Variants in CNTN3 observed in about 807,000 individuals in gnomAD.
CNTN3 encodes the protein contactin-3.
A neutral mutation model predicts 119.1 loss-of-function variants in CNTN3; 60 were observed. That is an observed-to-expected ratio of 0.50 (90% CI 0.41 to 0.62). CNTN3 has a LOEUF of 0.62. Among genes scored for constraint, CNTN3 ranks in the 20% least tolerant of loss-of-function variants. The pLI, the probability that CNTN3 is intolerant of heterozygous loss-of-function variation, is 0.00. For synonymous variants in CNTN3, 450 were observed against 438.7 expected, an observed-to-expected ratio of 1.03 and a Z score of -0.32; for missense variants, 1,101 against 1,242.4, an observed-to-expected ratio of 0.89 and a Z score of 1.71.
rs777679374 is a variant in CNTN3, at chr3:74,285,496, T to G, written c.2518-5A>C. On this transcript the variant is annotated splice_region_variant and splice_polypyrimidine_tract_variant and intron_variant, in intron 19 of 22. Coordinates refer to ENST00000263665, the MANE Select transcript of CNTN3 (RefSeq NM_020872.3). ...ACCCCCATTCCAGTACCGCACCTGG[T>G]GGGCGGAAGACACCAAACATGTGAA... is the stretch of plus-strand genomic sequence containing the variant. 1 of 1,602,936 alleles carries G rather than the reference T, an allele frequency of 6.2e-7. No individual in the cohort carries two copies. Among genetic ancestry groups the G allele is most frequent in the East Asian group, 2.2e-5 (1 of 44,494 alleles).
chr3:74,468,594 TA>T, intron 4 of CNTN3, among the ~76,000 whole-genome samples: 1 of 152,310 alleles, frequency 6.6e-6, no homozygotes, highest in African/African-American at 2.4e-5. Context: ...ATTAACAGAT[TA>T]TTTTTTATTA....
intron 20 of CNTN3, among the ~76,000 whole-genome samples, chr3:74,271,077 A>G (rs967913083): frequency 6.6e-6 from 1 of 152,212 alleles, no homozygotes; most frequent in African/African-American, 2.4e-5. Context: ...CAGACTCCTC[A>G]ACATCAGCTT....
Position 74,299,863 on chromosome 3 carries a change from C to G in CNTN3, c.2166+5G>C. 2 of 1,605,314 alleles carry G rather than the reference C, an allele frequency of 1.2e-6. No individual in the cohort carries two copies. Among genetic ancestry groups the G allele is most frequent in the Non-Finnish European group, 1.7e-6 (2 of 1,176,184 alleles). ...TGATGGGGAAGATGCTGCCCAAACA[C>G]TTACATCCCAGGTTATCACAAGTTC... On this transcript the variant is annotated splice_donor_5th_base_variant and intron_variant, in intron 17 of 22. Coordinates refer to ENST00000263665, the MANE Select transcript of CNTN3 (RefSeq NM_020872.3).
chr3:74,365,533 C>A (rs527419264), intron 9 of CNTN3, 33 bp downstream of exon 9: 3 of 1,612,500 alleles, frequency 1.9e-6, no homozygotes, highest in Non-Finnish European at 2.5e-6. Context: ...TTTACCAGGC[C>A]TCTAAACCCA....
At chr3:74,370,806 T>C (rs1330659208) in intron 6 of CNTN3, among the ~76,000 whole-genome samples, 2 of 152,108 alleles carry the variant, frequency 1.3e-5, no homozygotes. Flanking sequence ...TAACAAAATA[T>C]CCAGAGCTTT....
At chr3:74,306,149 G>A (rs1702558476) in intron 13 of CNTN3, among the ~76,000 whole-genome samples, 1 of 141,718 alleles carries the variant, frequency 7.1e-6, no homozygotes, top group African/African-American at 2.6e-5. Flanking sequence ...CCATCAATTT[G>A]TCATTGTTAG....
chr3:74,594,759 G>T (rs1174421881), intron 1 of CNTN3, among the ~76,000 whole-genome samples: 1 of 151,870 alleles, frequency 6.6e-6, no homozygotes. Flanking sequence ...ATAAACATAC[G>T]TGTGCATGTG....
At chr3:74,613,693 T>C (rs1429322579) in intron 1 of CNTN3, among the ~76,000 whole-genome samples, 3 of 152,206 alleles carry the variant, frequency 2.0e-5, no homozygotes, top group Non-Finnish European at 4.4e-5. Flanking sequence ...GATGGTGCTA[T>C]GACCCCGGTG....
At chr3:74,415,247 G>C (rs557200837) in intron 5 of CNTN3, among the ~76,000 whole-genome samples, 2 of 152,248 alleles carry the variant, frequency 1.3e-5, no homozygotes, top group African/African-American at 4.8e-5. Context: ...GAAGTGTGAA[G>C]CCATGCTGCT....
intron 4 of CNTN3, among the ~76,000 whole-genome samples, chr3:74,451,254 C>T (rs1321004394): frequency 6.6e-6 from 1 of 152,194 alleles, no homozygotes; most frequent in East Asian, 1.9e-4. Flanking sequence ...TTGCATTTCT[C>T]TGATGGCCAG....
chr3:74,408,707 C>G (rs4676966), intron 5 of CNTN3, among the ~76,000 whole-genome samples: 109,719 of 151,816 alleles, frequency 0.72, 39,741 homozygotes, highest in East Asian at 0.79. Flanking sequence ...TTGGAATCTT[C>G]TATGCAGCTT....
At chr3:74,299,397 C>G (rs1702408562) in intron 17 of CNTN3, among the ~76,000 whole-genome samples, 1 of 152,016 alleles carries the variant, frequency 6.6e-6, no homozygotes, top group Non-Finnish European at 1.5e-5. Context: ...AGGAAAGAAA[C>G]AAACTCAAGC....
chr3:74,537,449 A>G (rs1428307777), intron 1 of CNTN3, among the ~76,000 whole-genome samples: 1 of 152,178 alleles, frequency 6.6e-6, no homozygotes, highest in Non-Finnish European at 1.5e-5. Context: ...TTTCCAAAGT[A>G]ATTCTGCTGC....
intron 13 of CNTN3, among the ~76,000 whole-genome samples, chr3:74,319,825 A>AC (rs1553644072): frequency 2.6e-5 from 4 of 151,984 alleles, no homozygotes; most frequent in African/African-American, 4.8e-5. Flanking sequence ...TACAAAAAAA[A>AC]AAACAAACAA....
intron 4 of CNTN3, among the ~76,000 whole-genome samples, chr3:74,450,824 C>T (rs1030421923): frequency 2.0e-5 from 3 of 151,796 alleles, no homozygotes; most frequent in Non-Finnish European, 2.9e-5. Context: ...CATCCATGTC[C>T]CTACAAAGGA....
At chr3:74,461,228 T>C (rs1481938174) in intron 4 of CNTN3, among the ~76,000 whole-genome samples, 2 of 152,018 alleles carry the variant, frequency 1.3e-5, no homozygotes, top group East Asian at 1.9e-4. Flanking sequence ...GATGTATAAA[T>C]CTTTTAATAT....
chr3:74,589,441 A>C (rs545305598), intron 1 of CNTN3, among the ~76,000 whole-genome samples: 1,622 of 145,632 alleles, frequency 0.011, 20 homozygotes, highest in African/African-American at 0.037. Context: ...GGCAATCATT[A>C]AAAAGTCAGG....
At chr3:74,271,179 A>G (rs1462479289) in intron 20 of CNTN3, among the ~76,000 whole-genome samples, 1 of 152,202 alleles carries the variant, frequency 6.6e-6, no homozygotes, top group Admixed American at 6.5e-5. Context: ...AGGTGGGAAT[A>G]TAAGACATGT....
intron 1 of CNTN3, among the ~76,000 whole-genome samples, chr3:74,576,883 A>G (rs1255015228): frequency 6.6e-6 from 1 of 152,148 alleles, no homozygotes; most frequent in African/African-American, 2.4e-5. Context: ...TCTGGGCTTA[A>G]ACTCCCACTT....
Sources: allele counts gnomAD v4.1 joint callset (sites outside exome capture counted in the v4.1 genomes callset), GRCh38; gene constraint gnomAD v4.1.1; transcripts MANE v1.5; gene names NCBI Gene and HGNC (gene_info 2026-07-23, HGNC 2026-07-21).